Variants in FRRS1L observed in about 807,000 individuals in gnomAD.
FRRS1L encodes ferric chelate reductase 1 like.
FRRS1L carries 22 observed loss-of-function variants against 28.6 expected under a neutral mutation model. The observed-to-expected ratio is 0.77, with a 90% CI of 0.55 to 1.10. The LOEUF (loss-of-function observed/expected upper bound fraction) is 1.10. Ranked by LOEUF, FRRS1L falls within the 50% of genes least tolerant of loss-of-function variation. The pLI is 0.00. For missense variants in FRRS1L, 380 were observed against 386.9 expected, an observed-to-expected ratio of 0.98 and a Z score of 0.15; for synonymous variants, 158 against 151.4, an observed-to-expected ratio of 1.04 and a Z score of -0.32.
At position 109,154,872 on chromosome 9, in the gene FRRS1L, G is replaced by A. The variant is rs35943061; in HGVS notation, c.239-5152C>T. On this transcript the variant is annotated intron_variant, in intron 1 of 4. Coordinates refer to ENST00000561981, the MANE Select transcript of FRRS1L (RefSeq NM_014334.4). ...AACAGACAATTTGGTGGTGGGGTAA[G>A]GTTCTCATCTCAGTCCATTCTATGT... 5.4e-3 allele frequency among the ~76,000 whole-genome samples: 825 copies of A among 152,336 alleles called. 6 individuals are homozygous for A. Among genetic ancestry groups the A allele is most frequent in the Non-Finnish European group, 8.5e-3 (581 of 68,030 alleles).
chr9:109,141,678 C>A, intron 3 of FRRS1L, 89 bp from the exon 4 acceptor site: 1 of 1,395,128 alleles, frequency 7.2e-7, no homozygotes. Flanking sequence ...ATCATCTCTG[C>A]AATTTGAAAT....
intron 3 of FRRS1L, among the ~76,000 whole-genome samples, chr9:109,142,081 C>T (rs552126620): frequency 6.6e-6 from 1 of 151,890 alleles, no homozygotes; most frequent in East Asian, 1.9e-4. Flanking sequence ...AGTATTGGGA[C>T]AAGTAGCAAC....
intron 1 of FRRS1L, among the ~76,000 whole-genome samples, chr9:109,161,292 T>A (rs1306894355): frequency 6.6e-6 from 1 of 152,218 alleles, no homozygotes; most frequent in Non-Finnish European, 1.5e-5. Context: ...TCTCTCCATT[T>A]TCCATTTTGA....
rs1456606381 is a variant in FRRS1L, at chr9:109,167,227, C to A, written c.-89G>T. On this transcript the variant is annotated 5_prime_UTR_variant, in exon 1 of 5. Transcript: ENST00000561981. ...CGGGACTGAGCCTCCGCCGAGGCCA[C>A]CAGCACGCGCCCGCGCAGCCGCGGA... 5 of 1,364,942 alleles carry A rather than the reference C, an allele frequency of 3.7e-6. No individual in the cohort carries two copies. The African/African-American group carries it at 7.6e-5, about 21-fold the overall frequency. The allele number at this position is 1,364,942 out of a possible 1,614,324, so 84.6% of individuals were successfully genotyped here. A position where few individuals can be genotyped will look rare whatever the true frequency, so the allele number is the denominator to read the frequency against.
At chr9:109,157,321 T>C (rs1831423698) in intron 1 of FRRS1L, among the ~76,000 whole-genome samples, 1 of 152,210 alleles carries the variant, frequency 6.6e-6, no homozygotes, top group Non-Finnish European at 1.5e-5. Context: ...TATGATTCTG[T>C]ATTTGTGGGT....
chr9:109,143,725 G>A (rs1831219108), intron 3 of FRRS1L, among the ~76,000 whole-genome samples: 1 of 151,958 alleles, frequency 6.6e-6, no homozygotes, highest in African/African-American at 2.4e-5. Context: ...ATGTTGGCCA[G>A]GCTGGTCTCA....
intron 3 of FRRS1L, among the ~76,000 whole-genome samples, chr9:109,143,514 AC>A (rs1006935251): frequency 1.2e-5 from 1 of 83,694 alleles, no homozygotes; most frequent in Non-Finnish European, 2.1e-5. Context: ...ACAATAATGC[AC>A]CTTTTTTTTT....
rs1831047236 is a variant in FRRS1L at position 109,130,606 on chromosome 9, C to T, written c.*6849G>A. On this transcript the variant is annotated 3_prime_UTR_variant, in exon 5 of 5. Transcript: ENST00000561981. The stretch of plus-strand genomic sequence containing the variant: ...AAATTAATCACAAACATTAGGTACA[C>T]AATTGTTATAAAACAAATATAACCT... 1 of 152,098 alleles carries T rather than the reference C, an allele frequency of 6.6e-6. No homozygotes were observed. Among genetic ancestry groups the T allele is most frequent in the Non-Finnish European group, 1.5e-5 (1 of 68,018 alleles). 9.4% of individuals were successfully genotyped at this position (152,098 alleles called of 1,614,324 possible). A position where few individuals can be genotyped will look rare whatever the true frequency, so the allele number is the denominator to read the frequency against.
intron 3 of FRRS1L, among the ~76,000 whole-genome samples, chr9:109,141,988 CA>C (rs1336024451): frequency 6.7e-6 from 1 of 149,316 alleles, no homozygotes; most frequent in Admixed American, 6.7e-5. Context: ...GAAACTATTT[CA>C]AAATATACAT....
At chr9:109,143,142 TC>T (rs1831210060) in intron 3 of FRRS1L, among the ~76,000 whole-genome samples, 1 of 151,912 alleles carries the variant, frequency 6.6e-6, no homozygotes, top group Non-Finnish European at 1.5e-5. Context: ...TGGTGAAACC[TC>T]GTCTCTACTT....
chr9:109,150,163 C>T (rs1831314904), intron 1 of FRRS1L: 1 of 152,930 alleles, frequency 6.5e-6, no homozygotes, highest in South Asian at 2.1e-4. Flanking sequence ...TTTTCAACTT[C>T]CATTTTGCGT....
chr9:109,141,732 C>A, intron 3 of FRRS1L, 143 bp from the exon 4 acceptor site: 1 of 805,850 alleles, frequency 1.2e-6, no homozygotes, highest in South Asian at 1.8e-5. Context: ...AAGTCTCAAC[C>A]AGGAGACCAA....
At chr9:109,145,224 A>C (rs1043056897) in intron 3 of FRRS1L, among the ~76,000 whole-genome samples, 2 of 152,226 alleles carry the variant, frequency 1.3e-5, no homozygotes, top group African/African-American at 4.8e-5. Context: ...GGCACAGGGA[A>C]GAGCAGGGGC....
In FRRS1L at chr9:109,146,963, G is replaced by A. The variant is rs185125527; in HGVS notation, c.462+88C>T. On this transcript the variant is annotated intron_variant, in intron 3 of 4. Transcript: ENST00000561981. Reference sequence around the variant, plus strand: ...CCATAACTAATTTGATCATTATACTGCTTTGATCAATTAACTTGCTTCTAA... The same window carrying A: ...CCATAACTAATTTGATCATTATACTACTTTGATCAATTAACTTGCTTCTAA... The A allele has an allele frequency of 1.6e-5, 19 of 1,216,102 alleles. No individual in the cohort carries two copies. The African/African-American group carries it at 2.1e-4, about 13-fold the overall frequency. The allele number at this position is 1,216,102 out of a possible 1,614,324, so 75.3% of individuals were successfully genotyped here.
At chr9:109,141,692 A>G in intron 3 of FRRS1L, 103 bp from the exon 4 acceptor site, 3 of 1,318,464 alleles carry the variant, frequency 2.3e-6, no homozygotes, top group Non-Finnish European at 3.1e-6. Flanking sequence ...TTGAAATCCC[A>G]CCAAAAAAAT....
intron 1 of FRRS1L, among the ~76,000 whole-genome samples, chr9:109,165,065 C>T (rs377520861): frequency 3.9e-5 from 6 of 152,244 alleles, no homozygotes; most frequent in African/African-American, 1.4e-4. Context: ...AATCAGAATA[C>T]AAGTTCTCAC....
intron 1 of FRRS1L, among the ~76,000 whole-genome samples, chr9:109,166,045 C>T (rs898178478): frequency 3.3e-5 from 5 of 152,178 alleles, no homozygotes; most frequent in Non-Finnish European, 2.9e-5. Flanking sequence ...GAACTTAATC[C>T]TAACAACAGA....
In FRRS1L at chr9:109,134,566, A is replaced by G. The variant is rs1006786588; in HGVS notation, c.*2889T>C. The G allele has an allele frequency of 6.6e-6, 1 of 152,226 alleles. No homozygotes were observed. Among genetic ancestry groups the G allele is most frequent in the Admixed American group, 6.5e-5 (1 of 15,272 alleles). 9.4% of individuals were successfully genotyped at this position (152,226 alleles called of 1,614,324 possible). On this transcript the variant is annotated 3_prime_UTR_variant, in exon 5 of 5. Transcript: ENST00000561981. ...ATAGCAAGTGAGGAGGAGTGGCAAAAGATGATATTGCAGGTCACAGAAATG... is the reference window on the plus strand; with the variant it reads ...ATAGCAAGTGAGGAGGAGTGGCAAAGGATGATATTGCAGGTCACAGAAATG...
intron 1 of FRRS1L, among the ~76,000 whole-genome samples, chr9:109,165,994 A>G (rs1831543437): frequency 1.3e-5 from 2 of 152,342 alleles, no homozygotes; most frequent in African/African-American, 4.8e-5. Flanking sequence ...AGAAACTTCT[A>G]TCTTGTTGAA....
Sources: gnomAD v4.1 joint callset for allele counts (sites outside exome capture counted in the v4.1 genomes callset) on GRCh38, gnomAD v4.1.1 for gene constraint, MANE v1.5 for transcripts, NCBI Gene and HGNC (gene_info 2026-07-23, HGNC 2026-07-21) for gene names.